The following KDM7A variants were observed in gnomAD, a reference collection of about 807,000 sequenced individuals.
KDM7A encodes lysine-specific demethylase 7A.
In KDM7A, 28 loss-of-function variants were observed where a neutral mutation model predicts 114.8. The ratio of observed to expected loss-of-function variants is 0.24; its 90% CI spans 0.18 to 0.33. The LOEUF (loss-of-function observed/expected upper bound fraction) is 0.33, where lower values mean the gene tolerates loss of function less well. Ranked by LOEUF, KDM7A falls within the 10% of genes least tolerant of loss-of-function variation. The probability of loss-of-function intolerance (pLI) is 1.00; values close to 1 mark genes in which losing one functional copy is unlikely to be tolerated. For synonymous variants in KDM7A, 423 were observed against 397.8 expected (o/e 1.06, Z -0.75); for missense variants, 942 against 1,142.5 (o/e 0.82, Z 2.53).
At position 140,133,469 on chromosome 7, in the gene KDM7A, T is replaced by C. The variant is rs1469996018; in HGVS notation, c.398+70A>G. ...CCTAAGTTTGAAAACATTGCCTTTATATAATGTCACTCTATGAGACGACAT... is the reference window on the plus strand; with the variant it reads ...CCTAAGTTTGAAAACATTGCCTTTACATAATGTCACTCTATGAGACGACAT... On this transcript the variant is annotated intron_variant, in intron 3 of 19. Coordinates refer to ENST00000397560, the MANE Select transcript of KDM7A (RefSeq NM_030647.2). 1.1e-5 allele frequency: 10 copies of C among 877,472 alleles called. No homozygotes were observed. The Admixed American group carries it at 1.6e-4, about 14-fold the overall frequency. The allele number at this position is 877,472 out of a possible 1,614,324, so 54.4% of individuals were successfully genotyped here.
intron 1 of KDM7A, among the ~76,000 whole-genome samples, chr7:140,147,603 G>C (rs1017225498): frequency 6.6e-5 from 10 of 152,190 alleles, no homozygotes; most frequent in Non-Finnish European, 1.5e-4. Context: ...AGAGGACTGA[G>C]TCATTGTGTA....
At chr7:140,175,228 G>A (rs1020712949) in intron 1 of KDM7A, among the ~76,000 whole-genome samples, 3 of 152,190 alleles carry the variant, frequency 2.0e-5, no homozygotes, top group African/African-American at 4.8e-5. Flanking sequence ...AACTGTACTT[G>A]AAAATTAAGT....
intron 1 of KDM7A, among the ~76,000 whole-genome samples, chr7:140,151,212 TG>T (rs1794396749): frequency 6.6e-6 from 1 of 152,218 alleles, no homozygotes. Context: ...GAGGAACTAT[TG>T]ATCTAAAACT....
intron 17 of KDM7A, among the ~76,000 whole-genome samples, 153 bp downstream of exon 17, chr7:140,096,402 T>C (rs1326225325): frequency 2.6e-5 from 4 of 152,252 alleles, no homozygotes; most frequent in Admixed American, 2.0e-4. Context: ...TCTTACGTGA[T>C]ATGTCAGCAT....
At chr7:140,146,892 G>C (rs138478928) in intron 1 of KDM7A, among the ~76,000 whole-genome samples, 1 of 151,870 alleles carries the variant, frequency 6.6e-6, no homozygotes, top group Non-Finnish European at 1.5e-5. Flanking sequence ...TTTTCCTCTC[G>C]GATAACACTC....
intron 1 of KDM7A, among the ~76,000 whole-genome samples, chr7:140,173,597 G>T (rs978293496): frequency 6.6e-6 from 1 of 152,044 alleles, no homozygotes; most frequent in Non-Finnish European, 1.5e-5. Flanking sequence ...AATTACCCAG[G>T]CAATGGCAAT....
intron 1 of KDM7A, among the ~76,000 whole-genome samples, chr7:140,152,749 C>A (rs1794415151): frequency 6.6e-6 from 1 of 152,092 alleles, no homozygotes; most frequent in East Asian, 1.9e-4. Context: ...TCGAAACATA[C>A]AAGTCAGGGC....
At chr7:140,141,352 A>C (rs1294757596) in intron 1 of KDM7A, among the ~76,000 whole-genome samples, 1 of 152,004 alleles carries the variant, frequency 6.6e-6, no homozygotes, top group Non-Finnish European at 1.5e-5. Flanking sequence ...AAAAACAAAA[A>C]CAAAACAAAC....
At chr7:140,137,848 T>G (rs1181364265) in intron 2 of KDM7A, among the ~76,000 whole-genome samples, 2 of 152,064 alleles carry the variant, frequency 1.3e-5, no homozygotes, top group Non-Finnish European at 2.9e-5. Flanking sequence ...GTCTACTCTA[T>G]TGGAAAAAAG....
chr7:140,126,516 T>TAAAA, intron 6 of KDM7A, 121 bp downstream of exon 6: 20 of 406,784 alleles, frequency 4.9e-5, no homozygotes, highest in South Asian at 2.1e-4. Context: ...GGTTAAAAAG[T>TAAAA]AAAAAAAAAA....
chr7:140,097,492 T>A, intron 15 of KDM7A, 53 bp downstream of exon 15: 1 of 955,298 alleles, frequency 1.0e-6, no homozygotes, highest in Admixed American at 2.1e-5. Flanking sequence ...AGAAGTTACG[T>A]GGTGCTCATC....
In KDM7A at chr7:140,094,114, G is replaced by T; in HGVS notation, c.2399C>A (p.Pro800Gln). Residue 800 changes from proline to glutamine, a missense_variant, in exon 18 of 20, where the codon CCA (proline) becomes CAA (glutamine). This residue lies in a region of KDM7A where 512 missense variants were observed against 576.6 expected (regional missense o/e 0.89). Coordinates refer to ENST00000397560, the MANE Select transcript of KDM7A (RefSeq NM_030647.2). Reference sequence around the variant, plus strand: ...AATCCAGGAGGAAGTCCTCAAGTCTGGATCTTCAGTCTTGACATGGTATCC... The same window carrying T: ...AATCCAGGAGGAAGTCCTCAAGTCTTGATCTTCAGTCTTGACATGGTATCC... The part of the protein sequence containing the change: ...ECGYHVKTED[P>Q]DLRTSSWIKQ... 6.3e-7 allele frequency: 1 copy of T among 1,599,908 alleles called. No individual in the cohort carries two copies. The highest frequency in any genetic ancestry group is 8.6e-7 in the Non-Finnish European group (1 of 1,166,990).
intron 18 of KDM7A, among the ~76,000 whole-genome samples, chr7:140,093,446 T>G (rs1374955693): frequency 6.6e-6 from 1 of 152,224 alleles, no homozygotes; most frequent in Non-Finnish European, 1.5e-5. Flanking sequence ...TTCTTATGTG[T>G]GCTTGGGGTA....
In KDM7A at chr7:140,176,839, CGGAGGCGCCGAGGCCCGGCCG is replaced by C; in HGVS notation, c.78_98del (p.Gly27_Pro33del). On this transcript the variant is annotated inframe_deletion, in exon 1 of 20. Coordinates refer to ENST00000397560, the MANE Select transcript of KDM7A (RefSeq NM_030647.2). This position sits in a 1 kb window ranked among gnomAD's most constrained non-coding sequence, Gnocchi z 4.4. ...ACACACAGTACACGGGCGGGGGCGGCGGAGGCGCCGAGGCCCGGCCGGGAGCCGCCACCGACACGGCTGCCG... is the reference window on the plus strand; with the variant it reads ...ACACACAGTACACGGGCGGGGGCGGCGGAGCCGCCACCGACACGGCTGCCG... 7.5e-7 allele frequency: 1 copy of C among 1,329,606 alleles called. No homozygotes were observed. Among genetic ancestry groups the C allele is most frequent in the Non-Finnish European group, 9.8e-7 (1 of 1,020,302 alleles). The allele number at this position is 1,329,606 out of a possible 1,614,324, so 82.4% of individuals were successfully genotyped here. A position where few individuals can be genotyped will look rare whatever the true frequency, so the allele number is the denominator to read the frequency against.
In KDM7A at chr7:140,109,235, C is replaced by T. The variant is rs371677013; in HGVS notation, c.1428+1860G>A. On this transcript the variant is annotated intron_variant, in intron 11 of 19. Transcript: ENST00000397560. ...GCACTTCCTGGGACAGGCGATGCAC[C>T]GCCCTGCTTTGGCTCACGCTCCGTG... Among the ~76,000 whole-genome samples the T allele has an allele frequency of 1.1e-4, 17 of 152,318 alleles. No individual in the cohort carries two copies. In the East Asian group the frequency reaches 1.3e-3, roughly 12 times the overall value.
intron 1 of KDM7A, among the ~76,000 whole-genome samples, chr7:140,169,595 G>A (rs879673773): frequency 5.3e-5 from 8 of 152,062 alleles, no homozygotes; most frequent in East Asian, 3.9e-4. Context: ...GCGTGATCTC[G>A]GCTCACTGCA....
intron 1 of KDM7A, among the ~76,000 whole-genome samples, chr7:140,146,777 C>A (rs1438342189): frequency 6.6e-6 from 1 of 152,188 alleles, no homozygotes; most frequent in Non-Finnish European, 1.5e-5. Flanking sequence ...TTGTCTTAAT[C>A]TTCTGAAATT....
At chr7:140,114,906 TCTGAGAAGTGAGGAGCCCCTCC>T (rs1818495432) in intron 9 of KDM7A, among the ~76,000 whole-genome samples, 2 of 147,262 alleles carry the variant, frequency 1.4e-5, no homozygotes, top group South Asian at 2.2e-4. Context: ...AGCCGCCCCG[TCTGAGAAGTGAGGAGCCCCTCC>T]GCCCGGAAGC....
chr7:140,132,250 C>A lies in KDM7A; in HGVS notation c.398+1289G>T, dbSNP rs561958099. Among the ~76,000 whole-genome samples the A allele has an allele frequency of 4.3e-4, 65 of 152,258 alleles. 1 individual carries two copies. The South Asian group carries it at 0.013, about 30-fold the overall frequency. ...GCTTTGTGGCATTAAAACCCAAAGA[C>A]CCTGAACTAATGGTAATTACATTTT... On this transcript the variant is annotated intron_variant, in intron 3 of 19. Transcript: ENST00000397560.
Sources: gnomAD v4.1 joint callset for allele counts (sites outside exome capture counted in the v4.1 genomes callset) on GRCh38, gnomAD v4.1.1 for gene constraint, gnomAD v4.1.1 regional missense constraint, Gnocchi (gnomAD v3.1) non-coding constraint, MANE v1.5 for transcripts, NCBI Gene and HGNC (gene_info 2026-07-23, HGNC 2026-07-21) for gene names.